The following SPMIP2 variants were observed in gnomAD, a reference collection of about 807,000 sequenced individuals.
SPMIP2 encodes the protein sperm microtubule inner protein 2.
At chr4:159,028,610 T>C in the SPMIP2 span, among the ~76,000 whole-genome samples, 2 of 152,272 alleles carry the variant, frequency 1.3e-5, no homozygotes, top group East Asian at 1.9e-4. Context: ...GGATTATAGG[T>C]GTGTGCCACC....
At chr4:159,070,772 T>C in the SPMIP2 span, among the ~76,000 whole-genome samples, 2 of 152,222 alleles carry the variant, frequency 1.3e-5, no homozygotes, top group Admixed American at 1.3e-4. Context: ...CAGACCCATA[T>C]ACTCAGAATT....
the SPMIP2 span, chr4:158,915,456 T>A: frequency 1.8e-6 from 2 of 1,117,742 alleles, no homozygotes; most frequent in Non-Finnish European, 2.5e-6. Flanking sequence ...TCTAGTAATT[T>A]AAGGTGATTC....
chr4:159,046,108 G>A, the SPMIP2 span, among the ~76,000 whole-genome samples: 4 of 152,080 alleles, frequency 2.6e-5, no homozygotes, highest in East Asian at 7.7e-4. Context: ...GTGTCATGGT[G>A]TGTGCCAGCT....
chr4:159,015,862 T>C, the SPMIP2 span, among the ~76,000 whole-genome samples: 34 of 152,198 alleles, frequency 2.2e-4, no homozygotes, highest in Non-Finnish European at 3.8e-4. Context: ...ATTGTGTTGA[T>C]GGATCAGGAG....
At chr4:158,938,756 G>A in the SPMIP2 span, among the ~76,000 whole-genome samples, 1 of 152,166 alleles carries the variant, frequency 6.6e-6, no homozygotes, top group South Asian at 2.1e-4. Flanking sequence ...GTTGCCAAGA[G>A]TTTGTCCATG....
chr4:158,935,379 C>T, the SPMIP2 span, among the ~76,000 whole-genome samples: 1 of 152,206 alleles, frequency 6.6e-6, no homozygotes, highest in Non-Finnish European at 1.5e-5. Flanking sequence ...TGATTCCCTC[C>T]TGTCTTCCCC....
At chr4:159,032,719 T>A in the SPMIP2 span, among the ~76,000 whole-genome samples, 1 of 150,264 alleles carries the variant, frequency 6.7e-6, no homozygotes, top group Non-Finnish European at 1.5e-5. Flanking sequence ...TAGACCTAAA[T>A]GAAAACGTAA....
chr4:158,940,965 T>C, the SPMIP2 span, among the ~76,000 whole-genome samples: 2 of 152,216 alleles, frequency 1.3e-5, no homozygotes, highest in African/African-American at 2.4e-5. Flanking sequence ...TTCATCTTTT[T>C]CATTTCCTTC....
the SPMIP2 span, among the ~76,000 whole-genome samples, chr4:158,956,621 T>G: frequency 6.6e-6 from 1 of 152,238 alleles, no homozygotes; most frequent in African/African-American, 2.4e-5. Flanking sequence ...CAATAGGATG[T>G]GAGCTCTGTG....
At chr4:159,022,286 C>A in the SPMIP2 span, among the ~76,000 whole-genome samples, 3 of 152,172 alleles carry the variant, frequency 2.0e-5, no homozygotes, top group African/African-American at 7.2e-5. Flanking sequence ...GTCACCAGTG[C>A]CGTCATTCAC....
the SPMIP2 span, among the ~76,000 whole-genome samples, chr4:159,079,319 C>T: frequency 6.6e-6 from 1 of 152,078 alleles, no homozygotes; most frequent in Non-Finnish European, 1.5e-5. Flanking sequence ...AAAAGAGACT[C>T]CAGAGAGCTT....
chr4:159,044,336 T>C, the SPMIP2 span, among the ~76,000 whole-genome samples: 1 of 130,370 alleles, frequency 7.7e-6, no homozygotes, highest in African/African-American at 3.0e-5. Context: ...GCCATTGCAC[T>C]CCAGCCTGGG....
chr4:158,968,434 C>A, the SPMIP2 span, among the ~76,000 whole-genome samples: 1 of 152,134 alleles, frequency 6.6e-6, no homozygotes, highest in Non-Finnish European at 1.5e-5. Context: ...GGATGCATAC[C>A]TTATAAGATA....
At chr4:158,898,379 T>C in the SPMIP2 span, among the ~76,000 whole-genome samples, 1 of 152,186 alleles carries the variant, frequency 6.6e-6, no homozygotes, top group East Asian at 1.9e-4. Flanking sequence ...GTGAAGAACA[T>C]CCATGGGAGC....
chr4:158,947,735 G>C, the SPMIP2 span, among the ~76,000 whole-genome samples: 1 of 151,938 alleles, frequency 6.6e-6, no homozygotes, highest in Non-Finnish European at 1.5e-5. Context: ...CCGAGAGATG[G>C]AAAAGACGAA....
chr4:158,992,129 C>T, the SPMIP2 span, among the ~76,000 whole-genome samples: 1 of 152,322 alleles, frequency 6.6e-6, no homozygotes, highest in East Asian at 1.9e-4. Flanking sequence ...CTCAAGTGAA[C>T]CTCCTGCCTC....
chr4:158,973,530 C>A, the SPMIP2 span, among the ~76,000 whole-genome samples: 1 of 151,754 alleles, frequency 6.6e-6, no homozygotes, highest in Non-Finnish European at 1.5e-5. Context: ...TATTAATAAC[C>A]AAATGAGACG....
At chr4:159,052,150 C>A in the SPMIP2 span, among the ~76,000 whole-genome samples, 1 of 152,186 alleles carries the variant, frequency 6.6e-6, no homozygotes, top group East Asian at 1.9e-4. Context: ...GTACATAGAG[C>A]TAAAGCAGAC....
At chr4:158,973,327 T>G in the SPMIP2 span, 1 of 1,531,604 alleles carries the variant, frequency 6.5e-7, no homozygotes, top group Non-Finnish European at 8.9e-7. Context: ...AAAGACAAAA[T>G]GTACTTAAAA....
Sources: gnomAD v4.1 joint callset for allele counts (sites outside exome capture counted in the v4.1 genomes callset) on GRCh38, gnomAD v4.1.1 for gene constraint, MANE v1.5 for transcripts, NCBI Gene and HGNC (gene_info 2026-07-23, HGNC 2026-07-21) for gene names.